The following VWC2 variants were observed in gnomAD, a reference collection of about 807,000 sequenced individuals.
VWC2 encodes the protein brorin.
A neutral mutation model predicts 29.8 loss-of-function variants in VWC2; 14 were observed. The observed-to-expected ratio is 0.47, with a 90% CI of 0.31 to 0.74. The LOEUF (loss-of-function observed/expected upper bound fraction) is 0.74. Among genes scored for constraint, VWC2 ranks in the 30% least tolerant of loss-of-function variants. VWC2 has a pLI of 0.05. For synonymous variants in VWC2, 213 were observed against 199.0 expected (o/e 1.07, Z -0.59); for missense variants, 457 against 459.8 (o/e 0.99, Z 0.05).
At chr7:49,820,558 GTCT>G (rs1789241552) in intron 3 of VWC2, among the ~76,000 whole-genome samples, 1 of 152,176 alleles carries the variant, frequency 6.6e-6, no homozygotes, top group African/African-American at 2.4e-5. Flanking sequence ...CTGCAAGTGA[GTCT>G]TTGAACTAAG....
intron 3 of VWC2, among the ~76,000 whole-genome samples, chr7:49,884,880 T>C (rs951270502): frequency 1.3e-5 from 2 of 151,450 alleles, no homozygotes; most frequent in African/African-American, 4.9e-5. Flanking sequence ...CATGAGAAAA[T>C]AGAAAAATTA....
At chr7:49,810,854 T>C (rs1488748144) in intron 3 of VWC2, among the ~76,000 whole-genome samples, 1 of 152,194 alleles carries the variant, frequency 6.6e-6, no homozygotes, top group African/African-American at 2.4e-5. Flanking sequence ...TTACACCGTA[T>C]ACACATTAAC....
intron 3 of VWC2, among the ~76,000 whole-genome samples, chr7:49,843,056 G>A (rs949491984): frequency 2.0e-5 from 3 of 151,970 alleles, no homozygotes; most frequent in Non-Finnish European, 4.4e-5. Flanking sequence ...CCCTTTCCCC[G>A]AGTCGCTGCA....
At chr7:49,791,734 C>T (rs577797755) in intron 2 of VWC2, among the ~76,000 whole-genome samples, 1 of 152,192 alleles carries the variant, frequency 6.6e-6, no homozygotes, top group Non-Finnish European at 1.5e-5. Flanking sequence ...CCTCCTCCCT[C>T]GGGTCCTTCT....
chr7:49,784,623 G>C (rs1180185214), intron 2 of VWC2, among the ~76,000 whole-genome samples: 1 of 152,184 alleles, frequency 6.6e-6, no homozygotes, highest in Non-Finnish European at 1.5e-5. Context: ...ATCTTTCAAT[G>C]GGCCTTGGCT....
intron 2 of VWC2, among the ~76,000 whole-genome samples, chr7:49,777,662 C>A (rs552663138): frequency 6.6e-6 from 1 of 152,296 alleles, no homozygotes; most frequent in African/African-American, 2.4e-5. Context: ...ATATGAACCA[C>A]GCCCAGGCCA....
chr7:49,826,264 T>C (rs1789389552), intron 3 of VWC2, among the ~76,000 whole-genome samples: 3 of 152,212 alleles, frequency 2.0e-5, no homozygotes. Context: ...CTTCCATTTT[T>C]AGTCTCCAAG....
intron 3 of VWC2, among the ~76,000 whole-genome samples, chr7:49,895,324 A>G (rs1792328948): frequency 6.6e-6 from 1 of 152,204 alleles, no homozygotes; most frequent in African/African-American, 2.4e-5. Context: ...TTCACCTCTT[A>G]ATACTATCAC....
At chr7:49,890,993 G>T (rs1440760474) in intron 3 of VWC2, among the ~76,000 whole-genome samples, 2 of 151,988 alleles carry the variant, frequency 1.3e-5, no homozygotes, top group Non-Finnish European at 2.9e-5. Flanking sequence ...AAATAGGAAA[G>T]AACTACTAAG....
intron 2 of VWC2, among the ~76,000 whole-genome samples, chr7:49,791,560 CT>C (rs2128703852): frequency 6.6e-6 from 1 of 152,264 alleles, no homozygotes; most frequent in South Asian, 2.1e-4. Flanking sequence ...ATATCCCAGC[CT>C]TTTGGGCAGT....
Position 49,918,527 on chromosome 7 carries a change from T to G in VWC2, c.*6342T>G, listed in dbSNP as rs1370562298. 6.6e-6 allele frequency: 1 copy of G among 152,208 alleles called. No individual in the cohort carries two copies. Among genetic ancestry groups the G allele is most frequent in the Non-Finnish European group, 1.5e-5 (1 of 68,036 alleles). The allele number at this position is 152,208 out of a possible 1,614,324, so 9.4% of individuals were successfully genotyped here. On this transcript the variant is annotated 3_prime_UTR_variant, in exon 4 of 4. Coordinates refer to ENST00000340652, the MANE Select transcript of VWC2 (RefSeq NM_198570.5). ...ATTTTGTTTCCTAAATCTAGAGATC[T>G]CTTTTTAAAAATAGTATTGAAGCAT...
intron 3 of VWC2, among the ~76,000 whole-genome samples, chr7:49,906,210 C>G (rs1332945221): frequency 1.3e-5 from 2 of 152,136 alleles, no homozygotes; most frequent in East Asian, 3.8e-4. Flanking sequence ...ATCCAAGAAC[C>G]CTCACTTGGG....
At chr7:49,823,236 T>C (rs1463142534) in intron 3 of VWC2, among the ~76,000 whole-genome samples, 2 of 152,164 alleles carry the variant, frequency 1.3e-5, no homozygotes, top group African/African-American at 4.8e-5. Flanking sequence ...GACAGAACTC[T>C]TGGTTACAGC....
intron 3 of VWC2, among the ~76,000 whole-genome samples, chr7:49,842,786 A>G (rs1257158489): frequency 1.3e-5 from 2 of 152,204 alleles, no homozygotes; most frequent in Non-Finnish European, 2.9e-5. Flanking sequence ...GCTTTAATAC[A>G]TGTCATCTAG....
chr7:49,782,077 T>C (rs1788189759), intron 2 of VWC2, among the ~76,000 whole-genome samples: 1 of 152,224 alleles, frequency 6.6e-6, no homozygotes, highest in African/African-American at 2.4e-5. Context: ...TGTTTACTAG[T>C]GCCTGTATTT....
At chr7:49,900,987 A>G (rs1330125145) in intron 3 of VWC2, 2 of 151,830 alleles carry the variant, frequency 1.3e-5, no homozygotes, top group Non-Finnish European at 3.0e-5. Flanking sequence ...AATCACGATG[A>G]TATCAGTAGA....
chr7:49,871,053 A>T (rs554498846), intron 3 of VWC2, among the ~76,000 whole-genome samples: 1 of 152,356 alleles, frequency 6.6e-6, no homozygotes, highest in Non-Finnish European at 1.5e-5. Flanking sequence ...AATAAATTGG[A>T]GAATTCAACC....
At chr7:49,791,505 T>C (rs1183565617) in intron 2 of VWC2, among the ~76,000 whole-genome samples, 3 of 152,264 alleles carry the variant, frequency 2.0e-5, no homozygotes, top group African/African-American at 7.2e-5. Context: ...TATTTGCTGA[T>C]GGCTGAAAAC....
At chr7:49,784,280 C>T in intron 2 of VWC2, among the ~76,000 whole-genome samples, 1 of 152,200 alleles carries the variant, frequency 6.6e-6, no homozygotes, top group East Asian at 1.9e-4. Context: ...TTACTCCCTC[C>T]CCATCCCTGA....
Sources: gnomAD v4.1 joint callset for allele counts (sites outside exome capture counted in the v4.1 genomes callset) on GRCh38, gnomAD v4.1.1 for gene constraint, MANE v1.5 for transcripts, NCBI Gene and HGNC (gene_info 2026-07-23, HGNC 2026-07-21) for gene names.